Variants in CELF2 observed in about 807,000 individuals in gnomAD.
CELF2 encodes the protein CUG triplet repeat RNA-binding protein 2.
In CELF2, 8 loss-of-function variants were observed where a neutral mutation model predicts 62.6. That is an observed-to-expected ratio of 0.13 (90% CI 0.07 to 0.23). The LOEUF is 0.23. Among genes scored for constraint, CELF2 ranks in the 10% least tolerant of loss-of-function variants. The pLI is 1.00. For synonymous variants in CELF2, 258 were observed against 250.0 expected (o/e 1.03, Z -0.30); for missense variants, 333 against 671.0 (o/e 0.50, Z 5.56).
At chr10:11,063,874 A>G (rs2067409804) in intron 1 of CELF2, among the ~76,000 whole-genome samples, 1 of 152,194 alleles carries the variant, frequency 6.6e-6, no homozygotes, top group Non-Finnish European at 1.5e-5. Flanking sequence ...GACAATGAGC[A>G]TCTTTGGCTT....
chr10:11,290,537 AAAAT>A lies in CELF2; in HGVS notation c.976+1986_976+1989del, dbSNP rs2092367851. 6.6e-6 allele frequency among the ~76,000 whole-genome samples: 1 copy of A among 152,162 alleles called. No homozygotes were observed. The highest frequency in any genetic ancestry group is 2.4e-5 in the African/African-American group (1 of 41,438). On this transcript the variant is annotated intron_variant, in intron 9 of 12. Transcript: ENST00000633077. This position sits in a 1 kb window ranked among gnomAD's most constrained non-coding sequence, Gnocchi z 4.3. ...CGAGACTCCGTCTAAAAAAAAAAAA[AAAAT>A]GTGGGCCACTCAGACGGTCTAGGGC...
chr10:11,056,129 G>A (rs1486484847), intron 1 of CELF2, among the ~76,000 whole-genome samples: 1 of 152,204 alleles, frequency 6.6e-6, no homozygotes, highest in Admixed American at 6.5e-5. Flanking sequence ...GGAGATTTTT[G>A]TTATAGGTAG....
rs549162969 is a variant in CELF2 at position 11,156,520 on chromosome 10, C to T, written c.75-8966C>T. On this transcript the variant is annotated intron_variant, in intron 1 of 12. Coordinates refer to ENST00000633077, the MANE Select transcript of CELF2 (RefSeq NM_001326342.2). The surrounding 1 kb of genome is among the most constrained non-coding windows in gnomAD (Gnocchi z 4.3). ...TCTCTGTCAAAACGGTCTTTTTAAT[C>T]GATAAGGCTTACTTATTTGCCTATT... 8.5e-5 allele frequency among the ~76,000 whole-genome samples: 13 copies of T among 152,254 alleles called. No homozygotes were observed. In the South Asian group the frequency reaches 2.5e-3, roughly 29 times the overall value.
intron 2 of CELF2, among the ~76,000 whole-genome samples, chr10:10,985,003 T>C (rs2052567468): frequency 6.6e-6 from 1 of 152,182 alleles, no homozygotes; most frequent in Non-Finnish European, 1.5e-5. Flanking sequence ...TGTTTCACAT[T>C]TTCTCAAACT....
intron 2 of CELF2, among the ~76,000 whole-genome samples, chr10:10,933,662 C>A (rs778494038): frequency 4.6e-5 from 7 of 151,714 alleles, no homozygotes; most frequent in Non-Finnish European, 1.0e-4. Context: ...ATATCAACTT[C>A]TTTAGATTCC....
At chr10:10,494,834 A>G in the CELF2 span, among the ~76,000 whole-genome samples, 4 of 152,220 alleles carry the variant, frequency 2.6e-5, no homozygotes, top group South Asian at 2.1e-4. Context: ...GAATCTACAT[A>G]CAACAAAAGG....
chr10:10,852,635 A>G (rs975896673), intron 1 of CELF2, among the ~76,000 whole-genome samples: 4 of 152,368 alleles, frequency 2.6e-5, no homozygotes, highest in Admixed American at 2.6e-4. Flanking sequence ...AATACGATCC[A>G]TGGATTGAAT....
In CELF2 at chr10:11,043,109, T is replaced by C. The variant is rs1298111713; in HGVS notation, c.74+24946T>C. Among the ~76,000 whole-genome samples the C allele has an allele frequency of 2.0e-5, 3 of 152,324 alleles. No individual in the cohort carries two copies. The East Asian group carries it at 5.8e-4, about 29-fold the overall frequency. On this transcript the variant is annotated intron_variant, in intron 1 of 12. Transcript: ENST00000633077. ...CTGTTTGTCTAAAGTGGCTGCACCA[T>C]TTTACCTTCCCACCAGCAGCGTATG...
At chr10:11,064,806 CAGAG>C (rs1464316597) in intron 1 of CELF2, among the ~76,000 whole-genome samples, 1 of 152,168 alleles carries the variant, frequency 6.6e-6, no homozygotes. Flanking sequence ...GACCTGCAGT[CAGAG>C]AGAAAAATCT....
At chr10:10,808,375 C>T (rs1195125621) in intron 1 of CELF2, among the ~76,000 whole-genome samples, 2 of 152,112 alleles carry the variant, frequency 1.3e-5, no homozygotes, top group East Asian at 1.9e-4. Flanking sequence ...ATTTCCACCT[C>T]GCAAGTAAAT....
rs1241621891 is a variant in CELF2 at position 11,330,213 on chromosome 10, C to G, written c.*1160C>G. On this transcript the variant is annotated 3_prime_UTR_variant, in exon 13 of 13. Coordinates refer to ENST00000633077, the MANE Select transcript of CELF2 (RefSeq NM_001326342.2). The surrounding 1 kb of genome is among the most constrained non-coding windows in gnomAD (Gnocchi z 4.5). ...CACATTTGTTGAAACTGGACCTTCT[C>G]CCCCTGTCCCTCACCCCAAAACACC... 1 of 152,618 alleles carries G rather than the reference C, an allele frequency of 6.6e-6. No homozygotes were observed. The highest frequency in any genetic ancestry group is 1.5e-5 in the Non-Finnish European group (1 of 68,046). The allele number at this position is 152,618 out of a possible 1,614,324, so 9.5% of individuals were successfully genotyped here. A position where few individuals can be genotyped will look rare whatever the true frequency, so the allele number is the denominator to read the frequency against.
rs80220536 is a variant in CELF2, at chr10:11,291,642, T to G, written c.976+3090T>G. Among the ~76,000 whole-genome samples, 400 of 152,328 alleles carry G rather than the reference T, an allele frequency of 2.6e-3. 10 individuals are homozygous for G. In the East Asian group the frequency reaches 0.067, roughly 26 times the overall value. On this transcript the variant is annotated intron_variant, in intron 9 of 12. Coordinates refer to ENST00000633077, the MANE Select transcript of CELF2 (RefSeq NM_001326342.2). Reference sequence around the variant, plus strand: ...TTTAATCATGTTTCTTGTCTTTTATTTTGATATGATCATTTTACCTGTGTT... The same window carrying G: ...TTTAATCATGTTTCTTGTCTTTTATGTTGATATGATCATTTTACCTGTGTT...
At chr10:10,874,702 A>G (rs1441187480) in intron 1 of CELF2, among the ~76,000 whole-genome samples, 1 of 152,190 alleles carries the variant, frequency 6.6e-6, no homozygotes. Context: ...GAAATTCCTG[A>G]AGGCTCAACT....
chr10:10,642,676 A>C, the CELF2 span, among the ~76,000 whole-genome samples: 1 of 152,246 alleles, frequency 6.6e-6, no homozygotes, highest in Non-Finnish European at 1.5e-5. Context: ...GAGAGAAAAC[A>C]CTTATTTTTA....
chr10:11,151,988 A>G (rs630840), intron 1 of CELF2, among the ~76,000 whole-genome samples: 23,944 of 152,168 alleles, frequency 0.16, 3,217 homozygotes, highest in East Asian at 0.69. Flanking sequence ...AGAAAAAGAA[A>G]TGCTGTTCAG....
chr10:10,869,391 A>G (rs542190140), intron 1 of CELF2, among the ~76,000 whole-genome samples: 8 of 152,136 alleles, frequency 5.3e-5, no homozygotes, highest in South Asian at 2.1e-4. Context: ...GTGAAACCCC[A>G]TCTCTACTAA....
At chr10:11,256,104 C>A (rs1022005165) in intron 4 of CELF2, among the ~76,000 whole-genome samples, 1 of 152,246 alleles carries the variant, frequency 6.6e-6, no homozygotes, top group Non-Finnish European at 1.5e-5. Flanking sequence ...TGAAGAGGAG[C>A]CTTTAGCTGT....
intron 1 of CELF2, among the ~76,000 whole-genome samples, chr10:10,882,293 G>A (rs2061488930): frequency 6.6e-6 from 1 of 152,206 alleles, no homozygotes; most frequent in Non-Finnish European, 1.5e-5. Flanking sequence ...AAGGGAAGAA[G>A]AAAGCAGGCA....
chr10:11,019,025 T>G (rs1747424503), intron 1 of CELF2, among the ~76,000 whole-genome samples: 1 of 152,172 alleles, frequency 6.6e-6, no homozygotes, highest in African/African-American at 2.4e-5. Context: ...ATTCTGGTTG[T>G]TTTACATGTC....
Sources: allele counts gnomAD v4.1 joint callset (sites outside exome capture counted in the v4.1 genomes callset), GRCh38; gene constraint gnomAD v4.1.1; non-coding constraint Gnocchi (gnomAD v3.1); transcripts MANE v1.5; gene names NCBI Gene and HGNC (gene_info 2026-07-23, HGNC 2026-07-21).